Variants in CDC14B observed in about 807,000 individuals in gnomAD.
The protein encoded by CDC14B is dual specificity protein phosphatase CDC14B.
CDC14B carries 22 observed loss-of-function variants against 64.2 expected under a neutral mutation model. That is an observed-to-expected ratio of 0.34 (90% CI 0.24 to 0.49). The LOEUF (loss-of-function observed/expected upper bound fraction) is 0.49, where lower values mean the gene tolerates loss of function less well. Ranked by LOEUF, CDC14B falls within the 20% of genes least tolerant of loss-of-function variation. The pLI is 0.99. For missense variants in CDC14B, 498 were observed against 629.9 expected (o/e 0.79, Z 2.24); for synonymous variants, 191 against 215.8 (o/e 0.89, Z 1.01).
At chr9:96,583,419 C>T (rs546184702) in intron 1 of CDC14B, among the ~76,000 whole-genome samples, 168 of 135,216 alleles carry the variant, frequency 1.2e-3, no homozygotes, top group African/African-American at 4.3e-3. Context: ...ATTATTGAGA[C>T]TAAGTCTCAC....
chr9:96,588,244 G>A (rs1332657978), intron 1 of CDC14B, among the ~76,000 whole-genome samples: 1 of 152,112 alleles, frequency 6.6e-6, no homozygotes, highest in Non-Finnish European at 1.5e-5. Flanking sequence ...GCAAAGGAGT[G>A]TGCTGCTTTT....
At position 96,509,754 on chromosome 9, in the gene CDC14B, G is replaced by GT; in HGVS notation, c.1378dup (p.Thr460AsnfsTer3). The GT allele has an allele frequency of 6.2e-7, 1 of 1,610,946 alleles. No homozygotes were observed. Among genetic ancestry groups the GT allele is most frequent in the Non-Finnish European group, 8.5e-7 (1 of 1,177,292 alleles). On this transcript the variant is annotated frameshift_variant, in exon 13 of 14. Transcript: ENST00000375241. LOFTEE classifies it high-confidence loss of function. ...ACTGCCAGAAATGTTAGGTTCAGAT[G>GT]TTTTACAGCTCTGAACACTGGATTG... is the stretch of plus-strand genomic sequence containing the variant.
chr9:96,564,147 C>T (rs1843602257), intron 3 of CDC14B, among the ~76,000 whole-genome samples: 1 of 152,076 alleles, frequency 6.6e-6, no homozygotes, highest in Non-Finnish European at 1.5e-5. Flanking sequence ...TGCTAGTAAG[C>T]AGTACATACA....
intron 2 of CDC14B, 129 bp from the exon 3 acceptor site, chr9:96,564,981 T>A: frequency 1.7e-6 from 1 of 586,748 alleles, no homozygotes; most frequent in African/African-American, 1.9e-5. Context: ...CAATACAACT[T>A]AAAGGTACTG....
chr9:96,503,207 G>C lies in CDC14B; in HGVS notation c.*546C>G. On this transcript the variant is annotated 3_prime_UTR_variant, in exon 14 of 14. Transcript: ENST00000375241. ...TAAAGCACTCTTTGGTGGAAGACAA[G>C]CAGCTTGGGTACTTAACAGAGTTAA... 3.6e-6 allele frequency: 1 copy of C among 276,030 alleles called. No homozygotes were observed. The highest frequency in any genetic ancestry group is 6.0e-5 in the East Asian group (1 of 16,538). 17.1% of individuals were successfully genotyped at this position (276,030 alleles called of 1,614,324 possible).
chr9:96,499,854 C>G (rs1322589192), downstream of CDC14B, among the ~76,000 whole-genome samples: 1 of 152,170 alleles, frequency 6.6e-6, no homozygotes, highest in South Asian at 2.1e-4. Flanking sequence ...AAAGAGAGGC[C>G]CTGCGAGGAG....
chr9:96,551,042 C>T (rs1448041445), intron 5 of CDC14B, among the ~76,000 whole-genome samples: 1 of 150,756 alleles, frequency 6.6e-6, no homozygotes, highest in Admixed American at 6.6e-5. Flanking sequence ...AACCACACTC[C>T]TCAGTGGTAG....
At chr9:96,601,793 C>CG (rs1277652293) in intron 1 of CDC14B, among the ~76,000 whole-genome samples, 1 of 106,344 alleles carries the variant, frequency 9.4e-6, no homozygotes, top group African/African-American at 4.4e-5. Context: ...GACGCTGTCT[C>CG]GAAAAAAAAA....
intron 1 of CDC14B, among the ~76,000 whole-genome samples, chr9:96,601,794 GAAAAAAA>G (rs35472518): frequency 2.2e-4 from 15 of 68,228 alleles, no homozygotes; most frequent in African/African-American, 8.1e-4. Flanking sequence ...ACGCTGTCTC[GAAAAAAA>G]AAAAAAAAAA....
intron 12 of CDC14B, chr9:96,514,326 G>A (rs1221991142): frequency 3.2e-6 from 2 of 617,558 alleles, no homozygotes; most frequent in East Asian, 1.4e-4. Context: ...ACTCTATGTA[G>A]TGCATGATGC....
chr9:96,576,619 C>A (rs1292221863), intron 1 of CDC14B, among the ~76,000 whole-genome samples: 1 of 121,308 alleles, frequency 8.2e-6, no homozygotes, highest in Non-Finnish European at 1.6e-5. Flanking sequence ...GGCGACAGAG[C>A]GAGACTCCAT....
intron 1 of CDC14B, 71 bp from the exon 2 acceptor site, chr9:96,565,554 CTT>C (rs1564352360): frequency 3.1e-6 from 3 of 971,536 alleles, no homozygotes; most frequent in Admixed American, 1.8e-5. Flanking sequence ...TGACACAACT[CTT>C]TTCAGATGAA....
intron 1 of CDC14B, among the ~76,000 whole-genome samples, chr9:96,587,018 C>A (rs1163858967): frequency 6.6e-6 from 1 of 151,976 alleles, no homozygotes; most frequent in Non-Finnish European, 1.5e-5. Context: ...ACTAAAAATA[C>A]AAAAATTAAC....
chr9:96,515,725 T>A lies in CDC14B; in HGVS notation c.1344-5936A>T, dbSNP rs766423658. ...AGACAGAATAGCAGGATGGGAAGAATGTAGTCACAAACAATCCACCAGATG... is the reference window on the plus strand; with the variant it reads ...AGACAGAATAGCAGGATGGGAAGAAAGTAGTCACAAACAATCCACCAGATG... On this transcript the variant is annotated intron_variant, in intron 12 of 13. Transcript: ENST00000375241. The surrounding 1 kb of genome is among the most constrained non-coding windows in gnomAD (Gnocchi z 4.3). The A allele has an allele frequency of 6.2e-7, 1 of 1,606,148 alleles. No homozygotes were observed. The highest frequency in any genetic ancestry group is 8.5e-7 in the Non-Finnish European group (1 of 1,176,904).
At chr9:96,617,335 T>G (rs1186785805) in intron 1 of CDC14B, among the ~76,000 whole-genome samples, 3 of 152,028 alleles carry the variant, frequency 2.0e-5, no homozygotes, top group African/African-American at 4.8e-5. Flanking sequence ...GAAGAAAGAT[T>G]TATTCCAATG....
Position 96,523,637 on chromosome 9 carries a change from C to T in CDC14B, c.1035G>A (p.Arg345=). Residue 345 remains arginine, a synonymous_variant, in exon 10 of 14, where the codon AGG becomes AGA. Transcript: ENST00000375241. ...CAATCACCGAGCCAGGTCTGCAGAT[C>T]CTGACCCACGCAATGGTCTCGGCTG... ...MTAAETIAWV[R]ICRPGSVIGP... is the part of the protein sequence containing the mutation. 1 of 1,614,176 alleles carries T rather than the reference C, an allele frequency of 6.2e-7. No homozygotes were observed. The highest frequency in any genetic ancestry group is 8.5e-7 in the Non-Finnish European group (1 of 1,180,044).
At position 96,539,076 on chromosome 9, in the gene CDC14B, A is replaced by G; in HGVS notation, c.627+2T>C. ...TTGAAAACATGATCCTTGAAGACTT[A>G]CTTCATAGTGTTCATATTCATCAAG... On this transcript the variant is annotated splice_donor_variant, in intron 7 of 13. Coordinates refer to ENST00000375241, the MANE Select transcript of CDC14B (RefSeq NM_033331.4). LOFTEE classifies it high-confidence loss of function. 1 of 1,590,788 alleles carries G rather than the reference A, an allele frequency of 6.3e-7. No homozygotes were observed. Among genetic ancestry groups the G allele is most frequent in the South Asian group, 1.1e-5 (1 of 90,520 alleles).
At chr9:96,507,604 C>A (rs1179059955) in intron 13 of CDC14B, among the ~76,000 whole-genome samples, 1 of 151,960 alleles carries the variant, frequency 6.6e-6, no homozygotes, top group Non-Finnish European at 1.5e-5. Context: ...TTAGTAGAGA[C>A]AGAGTTTCAC....
chr9:96,606,871 A>T (rs567249182), intron 1 of CDC14B, among the ~76,000 whole-genome samples: 1 of 151,898 alleles, frequency 6.6e-6, no homozygotes, highest in South Asian at 2.1e-4. Flanking sequence ...TGGCCTACTA[A>T]TAATTTTTTT....
Sources: allele counts gnomAD v4.1 joint callset (sites outside exome capture counted in the v4.1 genomes callset), GRCh38; gene constraint gnomAD v4.1.1; non-coding constraint Gnocchi (gnomAD v3.1); transcripts MANE v1.5; gene names NCBI Gene and HGNC (gene_info 2026-07-23, HGNC 2026-07-21).